PLCL1: variants seen among roughly 807,000 people sequenced by gnomAD.
PLCL1 encodes the protein inactive phospholipase C-like protein 1.
In PLCL1, 41 loss-of-function variants were observed where a neutral mutation model predicts 84.4. The ratio of observed to expected loss-of-function variants is 0.49; its 90% CI spans 0.38 to 0.63. The LOEUF (loss-of-function observed/expected upper bound fraction) is 0.63, where lower values mean the gene tolerates loss of function less well. PLCL1 is among the 30% of genes least tolerant of loss of function. The probability of loss-of-function intolerance (pLI) is 0.00; values close to 1 mark genes in which losing one functional copy is unlikely to be tolerated. For synonymous variants in PLCL1, 490 were observed against 488.3 expected (o/e 1.00, Z -0.05); for missense variants, 1,206 against 1,367.8 (o/e 0.88, Z 1.87).
At chr2:197,959,756 A>G (rs1172617455) in intron 1 of PLCL1, among the ~76,000 whole-genome samples, 1 of 152,098 alleles carries the variant, frequency 6.6e-6, no homozygotes, top group East Asian at 1.9e-4. Flanking sequence ...AAACAACAAC[A>G]AACAAGTGAT....
chr2:197,843,466 A>G (rs1474735706), intron 1 of PLCL1, among the ~76,000 whole-genome samples: 1 of 152,188 alleles, frequency 6.6e-6, no homozygotes, highest in East Asian at 1.9e-4. Context: ...GGGTATGAGT[A>G]CATGTGTTCT....
At chr2:198,051,736 T>C (rs1424239356) in intron 1 of PLCL1, among the ~76,000 whole-genome samples, 8 of 152,128 alleles carry the variant, frequency 5.3e-5, no homozygotes, top group Admixed American at 4.6e-4. Context: ...CACTTTTATT[T>C]ATTTATTTTA....
chr2:197,837,855 A>G (rs1039641502), intron 1 of PLCL1, among the ~76,000 whole-genome samples: 1 of 152,216 alleles, frequency 6.6e-6, no homozygotes, highest in Non-Finnish European at 1.5e-5. Context: ...ATATTATGCA[A>G]TTTAGCATCA....
chr2:197,809,925 G>A (rs529111308), intron 1 of PLCL1, among the ~76,000 whole-genome samples: 13 of 152,024 alleles, frequency 8.6e-5, no homozygotes, highest in African/African-American at 3.1e-4. Context: ...TTATATAGGC[G>A]TTTGTAGATT....
chr2:198,068,500 A>G lies in PLCL1; in HGVS notation c.241-15258A>G, dbSNP rs551671192. Among the ~76,000 whole-genome samples the G allele has an allele frequency of 7.2e-5, 11 of 152,300 alleles. No homozygotes were observed. The South Asian group carries it at 2.1e-3, about 29-fold the overall frequency. On this transcript the variant is annotated intron_variant, in intron 1 of 5. Transcript: ENST00000428675. ...AGGTGAAATATCTTATTCTTTTCAG[A>G]TAATATTAGTAGATGTATTAGAAAT...
intron 1 of PLCL1, among the ~76,000 whole-genome samples, chr2:197,820,337 T>C (rs1249915873): frequency 6.6e-6 from 1 of 152,128 alleles, no homozygotes; most frequent in Non-Finnish European, 1.5e-5. Flanking sequence ...TATTATCTTA[T>C]AGTTCTAGAG....
chr2:197,898,386 A>C (rs1160758216), intron 1 of PLCL1, among the ~76,000 whole-genome samples: 2 of 152,148 alleles, frequency 1.3e-5, no homozygotes, highest in African/African-American at 4.8e-5. Flanking sequence ...AAGTTGCCAG[A>C]TCCCGTTCTT....
intron 1 of PLCL1, among the ~76,000 whole-genome samples, chr2:197,945,616 T>G (rs1689256894): frequency 6.6e-6 from 1 of 152,206 alleles, no homozygotes; most frequent in Admixed American, 6.5e-5. Context: ...TGTCAATTGC[T>G]GATTGTGGGA....
chr2:197,824,219 G>A (rs539486600), intron 1 of PLCL1, among the ~76,000 whole-genome samples: 164 of 152,126 alleles, frequency 1.1e-3, no homozygotes, highest in Non-Finnish European at 2.2e-3. Flanking sequence ...AGACTTAAGA[G>A]ACACCTAAAA....
At chr2:197,872,139 A>G in intron 1 of PLCL1, among the ~76,000 whole-genome samples, 1 of 152,172 alleles carries the variant, frequency 6.6e-6, no homozygotes, top group East Asian at 1.9e-4. Context: ...TTGACCTGAA[A>G]TAATTTGTTA....
intron 1 of PLCL1, among the ~76,000 whole-genome samples, chr2:197,994,028 C>G (rs1262597401): frequency 6.6e-6 from 1 of 152,156 alleles, no homozygotes; most frequent in Non-Finnish European, 1.5e-5. Context: ...CTTTAGGGTT[C>G]TCAAGAGTGT....
intron 1 of PLCL1, among the ~76,000 whole-genome samples, chr2:197,969,981 CTT>C (rs1689827835): frequency 6.6e-6 from 1 of 152,196 alleles, no homozygotes; most frequent in African/African-American, 2.4e-5. Flanking sequence ...CATAACCTGA[CTT>C]ATTCTGACAA....
chr2:198,137,272 C>T (rs559220172), intron 5 of PLCL1, among the ~76,000 whole-genome samples: 3 of 152,228 alleles, frequency 2.0e-5, no homozygotes, highest in South Asian at 4.2e-4. Flanking sequence ...TTTTAGCTTT[C>T]CTGTGTCCAT....
chr2:198,062,990 T>A lies in PLCL1; in HGVS notation c.241-20768T>A, dbSNP rs191852159. Among the ~76,000 whole-genome samples, 84 of 152,274 alleles carry A rather than the reference T, an allele frequency of 5.5e-4. No individual in the cohort carries two copies. In the East Asian group the frequency reaches 0.014, roughly 26 times the overall value. The stretch of plus-strand genomic sequence containing the variant: ...TGAAAGTCTGCAATTTTTAACAAGG[T>A]CCTTGGTGATGCTGTTGCTGGCAGT... On this transcript the variant is annotated intron_variant, in intron 1 of 5. Transcript: ENST00000428675.
chr2:197,990,606 C>G (rs1263058626), intron 1 of PLCL1, among the ~76,000 whole-genome samples: 2 of 152,176 alleles, frequency 1.3e-5, no homozygotes, highest in Non-Finnish European at 2.9e-5. Context: ...ACTGTCAGCT[C>G]TCATGAGACT....
intron 3 of PLCL1, among the ~76,000 whole-genome samples, chr2:198,100,792 A>AT (rs1436337270): frequency 3.3e-5 from 5 of 151,986 alleles, no homozygotes; most frequent in East Asian, 3.9e-4. Flanking sequence ...GAGATACTTC[A>AT]TTTTTTTGGT....
chr2:197,846,111 C>A (rs772309065), intron 1 of PLCL1, among the ~76,000 whole-genome samples: 1 of 152,022 alleles, frequency 6.6e-6, no homozygotes, highest in Admixed American at 6.6e-5. Flanking sequence ...AAGTACTGTT[C>A]GGAACTACGC....
rs989725341 is a variant in PLCL1, at chr2:197,916,334, G to A, written c.240+110995G>A. On this transcript the variant is annotated intron_variant, in intron 1 of 5. Coordinates refer to ENST00000428675, the MANE Select transcript of PLCL1 (RefSeq NM_006226.4). Reference sequence around the variant, plus strand: ...AGTGTGGATATTCCATACTGGTTAAGATTATAGGCTCTGGACTTAAACTCT... The same window carrying A: ...AGTGTGGATATTCCATACTGGTTAAAATTATAGGCTCTGGACTTAAACTCT... Among the ~76,000 whole-genome samples, 14 of 152,176 alleles carry A rather than the reference G, an allele frequency of 9.2e-5. 1 individual carries two copies. Among genetic ancestry groups the A allele is most frequent in the African/African-American group, 3.4e-4 (14 of 41,436 alleles).
chr2:197,856,997 G>A (rs546133550), intron 1 of PLCL1, among the ~76,000 whole-genome samples: 15 of 152,174 alleles, frequency 9.9e-5, no homozygotes, highest in South Asian at 2.1e-4. Flanking sequence ...GGTGGGAAGA[G>A]GGAGAGGATC....
Sources: allele counts gnomAD v4.1 joint callset (sites outside exome capture counted in the v4.1 genomes callset), GRCh38; gene constraint gnomAD v4.1.1; transcripts MANE v1.5; gene names NCBI Gene and HGNC (gene_info 2026-07-23, HGNC 2026-07-21).